ASAP1: variants seen among roughly 807,000 people sequenced by gnomAD.
ASAP1 encodes arf-GAP with SH3 domain, ANK repeat and PH domain-containing protein 1.
ASAP1 carries 43 observed loss-of-function variants against 145.2 expected under a neutral mutation model. The ratio of observed to expected loss-of-function variants is 0.30; its 90% CI spans 0.23 to 0.38. The LOEUF (loss-of-function observed/expected upper bound fraction) is 0.38, where lower values mean the gene tolerates loss of function less well. Among genes scored for constraint, ASAP1 ranks in the 10% least tolerant of loss-of-function variants. ASAP1 has a pLI of 1.00. For synonymous variants in ASAP1, 546 were observed against 515.5 expected, an observed-to-expected ratio of 1.06 and a Z score of -0.80; for missense variants, 1,018 against 1,355.3, an observed-to-expected ratio of 0.75 and a Z score of 3.91.
chr8:130,388,606 G>A (rs1828131433), intron 2 of ASAP1, among the ~76,000 whole-genome samples: 1 of 152,176 alleles, frequency 6.6e-6, no homozygotes, highest in South Asian at 2.1e-4. Flanking sequence ...GTAAGTTGGA[G>A]CAAGGGGTGC....
chr8:130,148,555 C>A (rs1405709146), intron 13 of ASAP1, among the ~76,000 whole-genome samples: 1 of 152,282 alleles, frequency 6.6e-6, no homozygotes, highest in Admixed American at 6.5e-5. Context: ...AATGGCAGTT[C>A]TCTTTCTTTT....
intron 24 of ASAP1, among the ~76,000 whole-genome samples, chr8:130,099,680 CTTT>C (rs57950334): frequency 4.0e-5 from 4 of 100,190 alleles, no homozygotes; most frequent in Admixed American, 9.9e-5. Context: ...GGATTTCATT[CTTT>C]TTTTTTTTTT....
At chr8:130,270,025 C>G (rs990558516) in intron 3 of ASAP1, among the ~76,000 whole-genome samples, 4 of 152,172 alleles carry the variant, frequency 2.6e-5, no homozygotes, top group African/African-American at 4.8e-5. Flanking sequence ...GAAAAATTAG[C>G]CAGGCGTGGT....
chr8:130,138,025 G>A (rs774799877), intron 13 of ASAP1, among the ~76,000 whole-genome samples: 3 of 152,212 alleles, frequency 2.0e-5, no homozygotes, highest in Non-Finnish European at 4.4e-5. Flanking sequence ...TCGATTGAGA[G>A]CTGTGGTTCT....
chr8:130,200,922 C>T (rs910363864), intron 5 of ASAP1, among the ~76,000 whole-genome samples: 3 of 152,178 alleles, frequency 2.0e-5, no homozygotes, highest in African/African-American at 7.2e-5. Context: ...AAAACAGTTG[C>T]AGCTTCTCCG....
At chr8:130,378,612 G>A (rs747908908) in intron 2 of ASAP1, among the ~76,000 whole-genome samples, 2 of 152,240 alleles carry the variant, frequency 1.3e-5, no homozygotes, top group Non-Finnish European at 2.9e-5. Flanking sequence ...GACCTTGGAT[G>A]TCATGTCAAG....
At chr8:130,129,607 T>A (rs975647141) in intron 15 of ASAP1, among the ~76,000 whole-genome samples, 2 of 152,246 alleles carry the variant, frequency 1.3e-5, no homozygotes, top group African/African-American at 4.8e-5. Flanking sequence ...AGTCTCTCAT[T>A]TTTTTGTATA....
At chr8:130,293,687 A>G (rs1822081907) in intron 3 of ASAP1, among the ~76,000 whole-genome samples, 1 of 152,130 alleles carries the variant, frequency 6.6e-6, no homozygotes, top group Admixed American at 6.5e-5. Flanking sequence ...CCACTCAACA[A>G]TGGGTCATTT....
chr8:130,382,031 A>G (rs1827792432), intron 2 of ASAP1, among the ~76,000 whole-genome samples: 1 of 152,154 alleles, frequency 6.6e-6, no homozygotes, highest in Non-Finnish European at 1.5e-5. Flanking sequence ...TCAAGCCTGT[A>G]ATCCCAGCAC....
intron 1 of ASAP1, among the ~76,000 whole-genome samples, chr8:130,419,033 G>A (rs556732438): frequency 1.2e-4 from 18 of 152,134 alleles, no homozygotes; most frequent in Non-Finnish European, 2.2e-4. Context: ...GGCCTGAGCC[G>A]AACATGGCAC....
chr8:130,295,286 G>A (rs1382812132), intron 3 of ASAP1, among the ~76,000 whole-genome samples: 1 of 151,758 alleles, frequency 6.6e-6, no homozygotes, highest in Non-Finnish European at 1.5e-5. Context: ...GTCTCACAAA[G>A]AAAAGTCCTA....
intron 10 of ASAP1, among the ~76,000 whole-genome samples, chr8:130,167,869 T>C (rs2097683147): frequency 6.6e-6 from 1 of 152,250 alleles, no homozygotes; most frequent in African/African-American, 2.4e-5. Context: ...TAGTTAACTC[T>C]GAAGTACTAT....
At chr8:130,160,705 A>G (rs2136020652) in intron 11 of ASAP1, 1 of 944,664 alleles carries the variant, frequency 1.1e-6, no homozygotes, top group South Asian at 1.5e-5. Context: ...TAAAATCAAC[A>G]ACGTTGAACT....
chr8:130,319,601 A>T (rs1823877563), intron 3 of ASAP1, among the ~76,000 whole-genome samples: 1 of 152,228 alleles, frequency 6.6e-6, no homozygotes, highest in African/African-American at 2.4e-5. Flanking sequence ...TGGTGGAAGC[A>T]TTCTGGGAGG....
chr8:130,443,073 G>GGC (rs1463760831), intron 1 of ASAP1, among the ~76,000 whole-genome samples: 1 of 152,100 alleles, frequency 6.6e-6, no homozygotes, highest in African/African-American at 2.4e-5. Context: ...ATGCCGGGAG[G>GGC]GCGCCCCATC....
chr8:130,262,255 C>T (rs1039964613), intron 3 of ASAP1, among the ~76,000 whole-genome samples: 1 of 151,536 alleles, frequency 6.6e-6, no homozygotes, highest in Admixed American at 6.6e-5. Context: ...ACTAGCCGGG[C>T]ACGGTGGCAG....
intron 3 of ASAP1, among the ~76,000 whole-genome samples, chr8:130,282,912 C>T (rs1821340552): frequency 6.6e-6 from 1 of 152,112 alleles, no homozygotes; most frequent in African/African-American, 2.4e-5. Context: ...GTTACAACAA[C>T]CTTCATCATT....
At chr8:130,129,092 T>G (rs1052660820) in intron 15 of ASAP1, among the ~76,000 whole-genome samples, 13 of 152,176 alleles carry the variant, frequency 8.5e-5, no homozygotes, top group Non-Finnish European at 1.3e-4. Context: ...TAAGGGGCTC[T>G]TCCCTCTTTG....
chr8:130,437,129 A>C (rs1367260384), intron 1 of ASAP1, among the ~76,000 whole-genome samples: 1 of 152,090 alleles, frequency 6.6e-6, no homozygotes, highest in Admixed American at 6.5e-5. Flanking sequence ...AAAAATTAAA[A>C]ATTAAAACTC....
Sources: allele counts gnomAD v4.1 joint callset (sites outside exome capture counted in the v4.1 genomes callset), GRCh38; gene constraint gnomAD v4.1.1; transcripts MANE v1.5; gene names NCBI Gene and HGNC (gene_info 2026-07-23, HGNC 2026-07-21).